Variants in KNTC1 observed in about 807,000 individuals in gnomAD.
KNTC1 encodes kinetochore associated 1.
Under a neutral mutation model 314.4 loss-of-function variants are expected in KNTC1, and 253 were observed. That is an observed-to-expected ratio of 0.80 (90% CI 0.73 to 0.89). The LOEUF is 0.89. KNTC1 is among the 40% of genes least tolerant of loss of function. KNTC1 has a pLI of 0.00. For missense variants in KNTC1, 2,475 were observed against 2,572.9 expected (o/e 0.96, Z 0.82); for synonymous variants, 901 against 901.4 (o/e 1.00, Z 0.01).
rs777091531 is a variant in KNTC1 at position 122,588,689 on chromosome 12, AT to A, written c.3895-16del. 2.7e-6 allele frequency: 4 copies of A among 1,469,528 alleles called. No homozygotes were observed. In the African/African-American group the frequency reaches 4.3e-5, roughly 16 times the overall value. 91.0% of individuals were successfully genotyped at this position (1,469,528 alleles called of 1,614,324 possible). On this transcript the variant is annotated intron_variant, in intron 39 of 63. Coordinates refer to ENST00000333479, the MANE Select transcript of KNTC1 (RefSeq NM_014708.6). ...ATGTTATATAGAACTAGACCTAAAT[AT>A]TTTTTTCTTCTTTTCTAAAAGTTAT...
intron 16 of KNTC1, among the ~76,000 whole-genome samples, chr12:122,552,549 G>A (rs1963275819): frequency 6.6e-6 from 1 of 151,900 alleles, no homozygotes; most frequent in Non-Finnish European, 1.5e-5. Context: ...ATTTTTTGTA[G>A]AGACAAGGTT....
intron 20 of KNTC1, among the ~76,000 whole-genome samples, chr12:122,566,458 G>A (rs1187059149): frequency 6.6e-6 from 1 of 151,584 alleles, no homozygotes; most frequent in Non-Finnish European, 1.5e-5. Context: ...TGCCCAGGCT[G>A]GAGTGCAGTG....
At chr12:122,617,535 C>G (rs79229195) in intron 57 of KNTC1, 3,163 of 236,922 alleles carry the variant, frequency 0.013, 90 homozygotes, top group African/African-American at 0.06. Context: ...GTGTTCTTTC[C>G]TTATTCACCT....
Position 122,603,033 on chromosome 12 carries a change from CTG to C in KNTC1, c.4892_4893del (p.Leu1631ArgfsTer27), listed in dbSNP as rs765046671. ...ACCTTCCTTTTCTTTGAAGTTCTCT[CTG>C]GACACTCTGTACGTGTCTACAGCAA... ...LLISKLMKFS[L>X]DTLYVSTAKH... On this transcript the variant is annotated frameshift_variant, in exon 48 of 64. Transcript: ENST00000333479. LOFTEE classifies it high-confidence loss of function. 1 of 1,613,298 alleles carries C rather than the reference CTG, an allele frequency of 6.2e-7. No individual in the cohort carries two copies. The highest frequency in any genetic ancestry group is 1.1e-5 in the South Asian group (1 of 91,042).
At chr12:122,532,482 C>T (rs758717248) in intron 2 of KNTC1, among the ~76,000 whole-genome samples, 11 of 152,124 alleles carry the variant, frequency 7.2e-5, no homozygotes, top group Non-Finnish European at 1.3e-4. Flanking sequence ...TCTGGGATTA[C>T]AGGTGTGAAT....
chr12:122,587,961 A>T (rs147293689), intron 39 of KNTC1, 87 bp downstream of exon 39: 2 of 1,133,868 alleles, frequency 1.8e-6, no homozygotes, highest in Admixed American at 2.8e-5. Context: ...ACGTTTTCCT[A>T]TTGTCTTTGT....
intron 43 of KNTC1, among the ~76,000 whole-genome samples, chr12:122,596,141 G>A (rs1261179369): frequency 7.1e-6 from 1 of 141,426 alleles, no homozygotes; most frequent in Admixed American, 7.4e-5. Context: ...GAAGTGCAGT[G>A]GTGCAATCTT....
chr12:122,609,162 G>A (rs1009122722), intron 51 of KNTC1: 8 of 500,980 alleles, frequency 1.6e-5, no homozygotes, highest in Admixed American at 8.2e-5. Flanking sequence ...TTAGAATTGT[G>A]TCTATCATAT....
At chr12:122,564,452 T>G (rs1964173661) in intron 20 of KNTC1, among the ~76,000 whole-genome samples, 1 of 152,032 alleles carries the variant, frequency 6.6e-6, no homozygotes, top group African/African-American at 2.4e-5. Context: ...GAACCCACGC[T>G]CCATTCTAGA....
intron 26 of KNTC1, among the ~76,000 whole-genome samples, chr12:122,574,056 GT>G (rs1964871657): frequency 6.6e-6 from 1 of 152,100 alleles, no homozygotes; most frequent in African/African-American, 2.4e-5. Flanking sequence ...CTTCAAGAAT[GT>G]TTCATTCTTA....
chr12:122,610,439 A>G (rs1427661302), intron 52 of KNTC1, among the ~76,000 whole-genome samples: 1 of 152,190 alleles, frequency 6.6e-6, no homozygotes, highest in Non-Finnish European at 1.5e-5. Context: ...CCCTGGGTCT[A>G]GAGGTTGAAA....
At chr12:122,601,742 G>A in intron 45 of KNTC1, 117 bp downstream of exon 45, 1 of 1,026,180 alleles carries the variant, frequency 9.7e-7, no homozygotes, top group Non-Finnish European at 1.3e-6. Flanking sequence ...TAAACTCTGT[G>A]GTTTATTTTA....
chr12:122,618,204 T>C (rs749470091), intron 57 of KNTC1, 139 bp from the exon 58 acceptor site: 1 of 707,824 alleles, frequency 1.4e-6, no homozygotes, highest in Non-Finnish European at 2.4e-6. Flanking sequence ...ACTCCTGACC[T>C]CAAGTGATTC....
chr12:122,556,134 A>C (rs542511021), intron 16 of KNTC1, among the ~76,000 whole-genome samples: 50 of 152,008 alleles, frequency 3.3e-4, no homozygotes, highest in African/African-American at 1.2e-3. Context: ...CTCATGCCTC[A>C]GCCTCTCGAG....
rs34289528 is a variant in KNTC1 at position 122,565,240 on chromosome 12, G to GTTT, written c.1604+2551_1604+2553dup. Among the ~76,000 whole-genome samples the GTTT allele has an allele frequency of 5.5e-3, 549 of 99,306 alleles. 6 individuals carry two copies. The highest frequency in any genetic ancestry group is 0.016 in the African/African-American group (492 of 31,454). 65.1% of individuals were successfully genotyped at this position (99,306 alleles called of 152,430 possible). A position where few individuals can be genotyped will look rare whatever the true frequency, so the allele number is the denominator to read the frequency against. On this transcript the variant is annotated intron_variant, in intron 20 of 63. Transcript: ENST00000333479. ...CCTTGGTCCCTCTTTCTCTTGAGTT[G>GTTT]TTTTTTTTTTTTAAAAAAAAAAAAA...
In KNTC1 at chr12:122,546,671, T is replaced by A; in HGVS notation, c.813T>A (p.Thr271=). 1.3e-6 allele frequency: 2 copies of A among 1,562,366 alleles called. No individual in the cohort carries two copies. The highest frequency in any genetic ancestry group is 2.3e-5 in the South Asian group (2 of 86,446). ...LIDNLLFVLD[T]DNVLSLWDIY... Reference sequence around the variant, plus strand: ...ACAATCTACTTTTTGTTCTTGATACTGATGTATGTTTCTTGTTTCTCCTTC... The same window carrying A: ...ACAATCTACTTTTTGTTCTTGATACAGATGTATGTTTCTTGTTTCTCCTTC... Residue 271 remains threonine (T), a synonymous_variant, in exon 10 of 64, where the codon ACT becomes ACA. Coordinates refer to ENST00000333479, the MANE Select transcript of KNTC1 (RefSeq NM_014708.6).
chr12:122,600,406 C>T (rs1871701734), intron 44 of KNTC1, among the ~76,000 whole-genome samples: 1 of 152,016 alleles, frequency 6.6e-6, no homozygotes, highest in South Asian at 2.1e-4. Flanking sequence ...GCCTGACTTC[C>T]TTTCTTTTTG....
At chr12:122,585,824 A>G (rs1331579553) in intron 37 of KNTC1, 50 bp downstream of exon 37, 1 of 1,578,752 alleles carries the variant, frequency 6.3e-7, no homozygotes, top group Non-Finnish European at 8.7e-7. Flanking sequence ...TCTTATGTAA[A>G]TTTAAACTGT....
In KNTC1 at chr12:122,554,072, AAAAAAT is replaced by A. The variant is rs1240435615; in HGVS notation, c.1272+2378_1272+2383del. On this transcript the variant is annotated intron_variant, in intron 16 of 63. Transcript: ENST00000333479. ...CATACAGAATACTTCCTTAAAAAAA[AAAAAAT>A]ATATATATATATATATATATATTTG... Among the ~76,000 whole-genome samples the A allele has an allele frequency of 6.9e-4, 44 of 64,002 alleles. 1 individual carries two copies. The highest frequency in any genetic ancestry group is 2.8e-3 in the African/African-American group (44 of 15,492). 42.0% of individuals were successfully genotyped at this position (64,002 alleles called of 152,430 possible).
Sources: allele counts gnomAD v4.1 joint callset (sites outside exome capture counted in the v4.1 genomes callset), GRCh38; gene constraint gnomAD v4.1.1; transcripts MANE v1.5; gene names NCBI Gene and HGNC (gene_info 2026-07-23, HGNC 2026-07-21).